Variants in CALD1 observed in about 807,000 individuals in gnomAD.
The protein encoded by CALD1 is caldesmon 1.
In CALD1, 33 loss-of-function variants were observed where a neutral mutation model predicts 99.9. The ratio of observed to expected loss-of-function variants is 0.33; its 90% CI spans 0.25 to 0.44. The LOEUF is 0.44. CALD1 is among the 20% of genes least tolerant of loss of function. The pLI, the probability that CALD1 is intolerant of heterozygous loss-of-function variation, is 1.00. For synonymous variants in CALD1, 310 were observed against 325.0 expected (o/e 0.95, Z 0.50); for missense variants, 861 against 962.1 (o/e 0.89, Z 1.39).
At chr7:134,786,817 C>T (rs1362771113) in intron 1 of CALD1, among the ~76,000 whole-genome samples, 1 of 152,138 alleles carries the variant, frequency 6.6e-6, no homozygotes, top group Non-Finnish European at 1.5e-5. Context: ...TAACAGTTAG[C>T]AAATTTAGGT....
intron 1 of CALD1, among the ~76,000 whole-genome samples, chr7:134,812,293 A>G (rs1798381563): frequency 9.9e-6 from 1 of 100,636 alleles, no homozygotes; most frequent in Admixed American, 9.7e-5. Flanking sequence ...CATGTGGTAG[A>G]AAGTTATTAT....
At chr7:134,955,568 A>G (rs917451250) in intron 9 of CALD1, among the ~76,000 whole-genome samples, 15 of 152,186 alleles carry the variant, frequency 9.9e-5, no homozygotes, top group African/African-American at 3.6e-4. Flanking sequence ...TGGCTTGCAG[A>G]TGGCTGCCTT....
Position 134,933,951 on chromosome 7 carries a change from G to GA in CALD1, c.1188dup (p.His397ThrfsTer24). The GA allele has an allele frequency of 6.2e-7, 1 of 1,613,990 alleles. No homozygotes were observed. Among genetic ancestry groups the GA allele is most frequent in the Non-Finnish European group, 8.5e-7 (1 of 1,179,960 alleles). The stretch of plus-strand genomic sequence containing the variant: ...AGAAACGTAACAAGCAGCTAGAAGA[G>GA]AAAAAACATGCCATGCAAGAGACAA... On this transcript the variant is annotated frameshift_variant, in exon 5 of 15. Transcript: ENST00000361675. LOFTEE classifies it high-confidence loss of function.
intron 3 of CALD1, among the ~76,000 whole-genome samples, chr7:134,902,440 T>G (rs2132618644): frequency 6.6e-6 from 1 of 152,128 alleles, no homozygotes; most frequent in South Asian, 2.1e-4. Context: ...GTATCATGAG[T>G]CTGTTTTTCC....
intron 2 of CALD1, among the ~76,000 whole-genome samples, chr7:134,856,327 C>T (rs1383751020): frequency 6.6e-6 from 1 of 152,140 alleles, no homozygotes; most frequent in Non-Finnish European, 1.5e-5. Context: ...TGGGCTGGGG[C>T]TCCTAAGAGA....
Position 134,969,146 on chromosome 7 carries a change from GA to G in CALD1, c.*806del, listed in dbSNP as rs1443856906. On this transcript the variant is annotated 3_prime_UTR_variant, in exon 15 of 15. Coordinates refer to ENST00000361675, the MANE Select transcript of CALD1 (RefSeq NM_033138.4). The stretch of plus-strand genomic sequence containing the variant: ...GTAACTAGCCAATATCACAGCTTTT[GA>G]AAAATTAAAAAATCACACTATATTA... 6.6e-6 allele frequency: 1 copy of G among 152,542 alleles called. No homozygotes were observed. The highest frequency in any genetic ancestry group is 1.9e-4 in the East Asian group (1 of 5,200). 9.4% of individuals were successfully genotyped at this position (152,542 alleles called of 1,614,324 possible). A position where few individuals can be genotyped will look rare whatever the true frequency, so the allele number is the denominator to read the frequency against.
chr7:134,924,389 A>G (rs975225899), intron 3 of CALD1, among the ~76,000 whole-genome samples: 1 of 152,314 alleles, frequency 6.6e-6, no homozygotes, highest in South Asian at 2.1e-4. Flanking sequence ...ATTTCGGAAG[A>G]AAAAATAATA....
At chr7:134,718,106 G>T in the CALD1 span, among the ~76,000 whole-genome samples, 1 of 152,158 alleles carries the variant, frequency 6.6e-6, no homozygotes, top group East Asian at 1.9e-4. Context: ...GGTAAGAGAA[G>T]AAAAATGGGA....
intron 1 of CALD1, among the ~76,000 whole-genome samples, chr7:134,772,815 C>T (rs1253054991): frequency 1.3e-5 from 2 of 150,428 alleles, no homozygotes; most frequent in Non-Finnish European, 2.9e-5. Context: ...TAAAACATTC[C>T]TCCTGGCATC....
chr7:134,956,460 A>G (rs1807780339), intron 9 of CALD1, among the ~76,000 whole-genome samples: 1 of 152,166 alleles, frequency 6.6e-6, no homozygotes, highest in Non-Finnish European at 1.5e-5. Flanking sequence ...TGCCCTTGTA[A>G]GAAGAGACAC....
At chr7:134,962,366 TAAAA>T (rs35952925) in intron 13 of CALD1, 78 of 92,030 alleles carry the variant, frequency 8.5e-4, no homozygotes, top group South Asian at 3.1e-3. Context: ...GACAGCCTCC[TAAAA>T]AAAAAAAAAA....
intron 3 of CALD1, among the ~76,000 whole-genome samples, chr7:134,893,747 G>A (rs1361179976): frequency 1.1e-4 from 16 of 152,020 alleles, no homozygotes; most frequent in South Asian, 6.2e-4. Context: ...GCTTTGTACC[G>A]TCAATCGAGG....
chr7:134,899,141 C>G (rs1442372432), intron 3 of CALD1, among the ~76,000 whole-genome samples: 2 of 151,966 alleles, frequency 1.3e-5, no homozygotes, highest in Non-Finnish European at 2.9e-5. Flanking sequence ...CCTTTTGTAA[C>G]TATCCTAGAC....
the CALD1 span, among the ~76,000 whole-genome samples, chr7:134,725,317 C>G: frequency 3.3e-5 from 5 of 152,318 alleles, no homozygotes; most frequent in Middle Eastern, 3.4e-3. Flanking sequence ...AGGAGGTGTC[C>G]ATGGGTTCAA....
intron 3 of CALD1, among the ~76,000 whole-genome samples, chr7:134,921,277 A>G (rs1010703921): frequency 2.0e-5 from 3 of 152,276 alleles, no homozygotes; most frequent in Non-Finnish European, 4.4e-5. Flanking sequence ...TATTGAATTT[A>G]TAGATATTTT....
At chr7:134,828,002 T>C (rs2132051776) in intron 1 of CALD1, among the ~76,000 whole-genome samples, 1 of 152,336 alleles carries the variant, frequency 6.6e-6, no homozygotes, top group Non-Finnish European at 1.5e-5. Flanking sequence ...CTTTTGTTAC[T>C]GCATAGAAAT....
chr7:134,882,811 T>C (rs1445501869), intron 3 of CALD1, among the ~76,000 whole-genome samples: 4 of 152,182 alleles, frequency 2.6e-5, no homozygotes, highest in Non-Finnish European at 5.9e-5. Flanking sequence ...AAATGGTAAA[T>C]GGTTTTCCAA....
At chr7:134,945,373 G>A (rs577526675) in intron 7 of CALD1, among the ~76,000 whole-genome samples, 8 of 152,302 alleles carry the variant, frequency 5.3e-5, no homozygotes, top group African/African-American at 1.4e-4. Context: ...GTAAGAGGTG[G>A]AGAGATGGAA....
At chr7:134,787,869 T>G (rs1797367066) in intron 1 of CALD1, among the ~76,000 whole-genome samples, 1 of 152,198 alleles carries the variant, frequency 6.6e-6, no homozygotes, top group Admixed American at 6.5e-5. Context: ...TTACTATATT[T>G]GTACCCATGC....
Sources: allele counts gnomAD v4.1 joint callset (sites outside exome capture counted in the v4.1 genomes callset), GRCh38; gene constraint gnomAD v4.1.1; transcripts MANE v1.5; gene names NCBI Gene and HGNC (gene_info 2026-07-23, HGNC 2026-07-21).